The following SPOCK2 variants were observed in gnomAD, a reference collection of about 807,000 sequenced individuals.
SPOCK2 encodes the protein testican-2.
SPOCK2 carries 39 observed loss-of-function variants against 60.1 expected under a neutral mutation model. The observed-to-expected ratio is 0.65, with a 90% CI of 0.50 to 0.85. The LOEUF is 0.85. Among genes scored for constraint, SPOCK2 ranks in the 40% least tolerant of loss-of-function variants. The pLI is 0.00. For synonymous variants in SPOCK2, 217 were observed against 231.5 expected, an observed-to-expected ratio of 0.94 and a Z score of 0.57; for missense variants, 523 against 567.4, an observed-to-expected ratio of 0.92 and a Z score of 0.80.
intron 1 of SPOCK2, among the ~76,000 whole-genome samples, chr10:72,076,908 T>G (rs1840721909): frequency 6.6e-6 from 1 of 152,056 alleles, no homozygotes; most frequent in Non-Finnish European, 1.5e-5. Flanking sequence ...GGGTTCCCCA[T>G]CGCCCCCTCC....
intron 1 of SPOCK2, among the ~76,000 whole-genome samples, chr10:72,078,007 A>T (rs1840736923): frequency 6.6e-6 from 1 of 152,184 alleles, no homozygotes; most frequent in Admixed American, 6.5e-5. Context: ...TCTCTCTTTG[A>T]AACTGAATAT....
In SPOCK2 at chr10:72,063,743, T is replaced by A. The variant is rs1122575; in HGVS notation, c.991+435A>T. 4.2e-3 allele frequency among the ~76,000 whole-genome samples: 642 copies of A among 152,202 alleles called. 7 individuals carry two copies. The highest frequency in any genetic ancestry group is 0.015 in the African/African-American group (604 of 41,548). On this transcript the variant is annotated intron_variant, in intron 9 of 10. Coordinates refer to ENST00000373109, the MANE Select transcript of SPOCK2 (RefSeq NM_001244950.2). ...GGTTATGAGGCCAGGGAGTGCATCC[T>A]TCTTGCCATCCGCTCAGAGTTGGGC...
In SPOCK2 at chr10:72,059,265, C is replaced by G. The variant is rs1385381875; in HGVS notation, c.*3495G>C. On this transcript the variant is annotated 3_prime_UTR_variant, in exon 11 of 11. Coordinates refer to ENST00000373109, the MANE Select transcript of SPOCK2 (RefSeq NM_001244950.2). ...GAGTGCCCATCAACGCACACGCACA[C>G]AGTCTAACACTTTGTTTTTCAATTT... 2.0e-5 allele frequency: 3 copies of G among 152,674 alleles called. No individual in the cohort carries two copies. In the East Asian group the frequency reaches 5.8e-4, roughly 29 times the overall value. 9.5% of individuals were successfully genotyped at this position (152,674 alleles called of 1,614,324 possible).
rs146513803 is a variant in SPOCK2, at chr10:72,062,799, G to A, written c.1236C>T (p.Gly412=). 4 of 1,608,882 alleles carry A rather than the reference G, an allele frequency of 2.5e-6. No individual in the cohort carries two copies. Among genetic ancestry groups the A allele is most frequent in the African/African-American group, 2.7e-5 (2 of 74,774 alleles). ...EAGEEAEEEE[G]EAGEADDGGY... ...CCCCGTCGTCAGCCTCGCCTGCCTC[G>A]CCCTCCTCCTCCTCGGCCTCCTCGC... The change falls in exon 11 of 11, where the codon GGC becomes GGT. Residue 412 remains glycine (G), a synonymous_variant. Transcript: ENST00000373109. The surrounding 1 kb of genome is among the most constrained non-coding windows in gnomAD (Gnocchi z 4.3).
intron 8 of SPOCK2, among the ~76,000 whole-genome samples, chr10:72,065,904 G>A (rs1375792540): frequency 1.3e-5 from 2 of 152,248 alleles, no homozygotes; most frequent in Non-Finnish European, 2.9e-5. Context: ...AGATGAAGAA[G>A]CAGAACTCAG....
At chr10:72,072,639 G>T (rs769152541) in intron 2 of SPOCK2, 91 bp from the exon 3 acceptor site, 408 of 1,569,796 alleles carry the variant, frequency 2.6e-4, no homozygotes, top group Non-Finnish European at 3.4e-4. Context: ...GCCTGGGCCA[G>T]CGATGTCATG....
intron 1 of SPOCK2, among the ~76,000 whole-genome samples, chr10:72,075,273 C>A (rs940514395): frequency 2.0e-5 from 3 of 152,150 alleles, no homozygotes; most frequent in Non-Finnish European, 4.4e-5. Flanking sequence ...TACCCATCAT[C>A]CCCTGGGGCA....
chr10:72,083,724 G>C (rs1011352993), intron 1 of SPOCK2, among the ~76,000 whole-genome samples: 4 of 152,326 alleles, frequency 2.6e-5, no homozygotes, highest in African/African-American at 7.2e-5. Flanking sequence ...TTAGAAGGTG[G>C]GGTGGAGGGG....
At chr10:72,070,190 T>C (rs920661199) in intron 5 of SPOCK2, 122 bp downstream of exon 5, 11 of 871,062 alleles carry the variant, frequency 1.3e-5, no homozygotes, top group African/African-American at 1.7e-5. Context: ...ACACTGACCT[T>C]GCCATCTGGC....
Position 72,080,953 on chromosome 10 carries a change from A to G in SPOCK2, c.189+7187T>C, listed in dbSNP as rs1840775852. Among the ~76,000 whole-genome samples the G allele has an allele frequency of 1.3e-5, 2 of 152,014 alleles. 1 individual carries two copies. Among genetic ancestry groups the G allele is most frequent in the South Asian group, 4.2e-4 (2 of 4,814 alleles). On this transcript the variant is annotated intron_variant, in intron 1 of 10. Transcript: ENST00000373109. ...CTCCGGGCGGTGGCCCCAATAGTCC[A>G]TAAAGGGCAGAGAACAGCGGGAGGT...
rs934816959 is a variant in SPOCK2, at chr10:72,059,523, C to A, written c.*3237G>T. The A allele has an allele frequency of 6.6e-6, 1 of 152,230 alleles. No homozygotes were observed. The highest frequency in any genetic ancestry group is 1.5e-5 in the Non-Finnish European group (1 of 68,062). 9.4% of individuals were successfully genotyped at this position (152,230 alleles called of 1,614,324 possible). A position where few individuals can be genotyped will look rare whatever the true frequency, so the allele number is the denominator to read the frequency against. On this transcript the variant is annotated 3_prime_UTR_variant, in exon 11 of 11. Transcript: ENST00000373109. ...GGACTGCCGCCAGCCCGCAGCCTCT[C>A]GACGACCCCAGGTATCAAAGCTCAG...
Position 72,063,144 on chromosome 10 carries a change from C to A in SPOCK2, c.1010G>T (p.Cys337Phe). The A allele has an allele frequency of 6.4e-7, 1 of 1,556,990 alleles. No individual in the cohort carries two copies. Among genetic ancestry groups the A allele is most frequent in the South Asian group, 1.2e-5 (1 of 84,332 alleles). ...KKKPGIFIPS[C>F]DEDGYYRKMQ... ...CTTCCGGTAGTAGCCATCCTCGTCG[C>A]AGCTCGGGATGAAGATGCCTGAATG... Residue 337 changes from cysteine (C) to phenylalanine (F), a missense_variant, in exon 10 of 11, where the codon TGC (cysteine) becomes TTC (phenylalanine). Coordinates refer to ENST00000373109, the MANE Select transcript of SPOCK2 (RefSeq NM_001244950.2).
At chr10:72,086,396 A>C in intron 1 of SPOCK2, 1 of 998,866 alleles carries the variant, frequency 1.0e-6, no homozygotes, top group Non-Finnish European at 1.2e-6. Context: ...GGTGGGGAGG[A>C]ATCTTTTATT....
intron 2 of SPOCK2, 151 bp from the exon 3 acceptor site, chr10:72,072,699 C>T (rs1201218801): frequency 7.5e-7 from 1 of 1,342,178 alleles, no homozygotes; most frequent in Admixed American, 2.0e-5. Flanking sequence ...CCAGGCCCTG[C>T]CAGCTGCCTC....
chr10:72,068,320 G>T lies in SPOCK2; in HGVS notation c.475-19C>A. 1 of 1,591,300 alleles carries T rather than the reference G, an allele frequency of 6.3e-7. No individual in the cohort carries two copies. The highest frequency in any genetic ancestry group is 1.1e-5 in the South Asian group (1 of 87,842). On this transcript the variant is annotated intron_variant, in intron 5 of 10. Transcript: ENST00000373109. ...GCTTACACTGCACATGGGGAAAGGTGGAACAGGGGACTGAGGGCTTACCCC... is the reference window on the plus strand; with the variant it reads ...GCTTACACTGCACATGGGGAAAGGTTGAACAGGGGACTGAGGGCTTACCCC...
chr10:72,086,449 A>T (rs1399290233), intron 1 of SPOCK2: 1 of 1,048,842 alleles, frequency 9.5e-7, no homozygotes, highest in Non-Finnish European at 1.2e-6. Flanking sequence ...TTTCCCTCTG[A>T]CCTTCACTGG....
intron 5 of SPOCK2, chr10:72,069,932 T>G (rs985865015): frequency 5.8e-6 from 1 of 173,536 alleles, no homozygotes; most frequent in African/African-American, 2.4e-5. Context: ...CGCCTCCCTG[T>G]GGAAATCCTC....
intron 8 of SPOCK2, among the ~76,000 whole-genome samples, chr10:72,066,685 G>A (rs914953116): frequency 2.6e-5 from 4 of 152,072 alleles, no homozygotes; most frequent in East Asian, 1.9e-4. Context: ...ATCTGGATCC[G>A]CCTGGGAGCC....
intron 1 of SPOCK2, among the ~76,000 whole-genome samples, chr10:72,082,488 G>A (rs1017936258): frequency 3.2e-4 from 48 of 152,160 alleles, no homozygotes; most frequent in East Asian, 1.9e-4. Context: ...ATTAGGAGGC[G>A]GGGCCTTGGG....
Sources: gnomAD v4.1 joint callset for allele counts (sites outside exome capture counted in the v4.1 genomes callset) on GRCh38, gnomAD v4.1.1 for gene constraint, Gnocchi (gnomAD v3.1) non-coding constraint, MANE v1.5 for transcripts, NCBI Gene and HGNC (gene_info 2026-07-23, HGNC 2026-07-21) for gene names.